Variants in CFAP44 observed in about 807,000 individuals in gnomAD.
The protein encoded by CFAP44 is cilia- and flagella-associated protein 44.
A neutral mutation model predicts 216.2 loss-of-function variants in CFAP44; 134 were observed. The ratio of observed to expected loss-of-function variants is 0.62; its 90% CI spans 0.54 to 0.72. The LOEUF is 0.72. Among genes scored for constraint, CFAP44 ranks in the 30% least tolerant of loss-of-function variants. CFAP44 has a pLI of 0.00. For missense variants in CFAP44, 2,035 were observed against 2,182.1 expected, an observed-to-expected ratio of 0.93 and a Z score of 1.34; for synonymous variants, 700 against 727.6, an observed-to-expected ratio of 0.96 and a Z score of 0.61.
At chr3:113,438,716 T>C (rs1263766820) in intron 1 of CFAP44, among the ~76,000 whole-genome samples, 2 of 152,222 alleles carry the variant, frequency 1.3e-5, no homozygotes, top group African/African-American at 4.8e-5. Context: ...TCCCTGCAAC[T>C]TGGATCCATT....
At position 113,326,586 on chromosome 3, in the gene CFAP44, T is replaced by C. The variant is rs1305474845; in HGVS notation, c.4375A>G (p.Lys1459Glu). The C allele has an allele frequency of 2.6e-6, 4 of 1,529,106 alleles. No individual in the cohort carries two copies. The highest frequency in any genetic ancestry group is 3.5e-6 in the Non-Finnish European group (4 of 1,144,712). The allele number at this position is 1,529,106 out of a possible 1,614,324, so 94.7% of individuals were successfully genotyped here. ...EMEEKKNEIT[K>E]LQEQEKALYA... is the part of the protein sequence containing the mutation. Reference sequence around the variant, plus strand: ...AGTGCCTTTTCTTGCTCCTGGAGTTTGGTGATTTCATTCTTTTTCTCTTCC... The same window carrying C: ...AGTGCCTTTTCTTGCTCCTGGAGTTCGGTGATTTCATTCTTTTTCTCTTCC... Residue 1459 changes from lysine (K) to glutamate (E), a missense_variant, in exon 28 of 35, where the codon AAA becomes GAA. By Grantham distance (56) the Lys-to-Glu change is moderately conservative (BLOSUM62 1). This residue lies in a region of CFAP44 where 1,883 missense variants were observed against 2,023.7 expected (regional missense o/e 0.93). Coordinates refer to ENST00000393845, the MANE Select transcript of CFAP44 (RefSeq NM_001164496.2).
In CFAP44 at chr3:113,410,761, CCAG is replaced by C. The variant is rs532025124; in HGVS notation, c.674-1442_674-1440del. Among the ~76,000 whole-genome samples the C allele has an allele frequency of 1.9e-3, 290 of 152,314 alleles. 2 individuals carry two copies. Among genetic ancestry groups the C allele is most frequent in the African/African-American group, 5.7e-3 (237 of 41,572 alleles). On this transcript the variant is annotated intron_variant, in intron 6 of 34. Coordinates refer to ENST00000393845, the MANE Select transcript of CFAP44 (RefSeq NM_001164496.2). ...ATGGTTGAACTAATTTACACTCCCA[CCAG>C]TAGTGTAAAAGCATTCCTATTTCTC...
intron 14 of CFAP44, 64 bp from the exon 15 acceptor site, chr3:113,395,924 A>G: frequency 7.5e-6 from 9 of 1,198,624 alleles, no homozygotes; most frequent in Non-Finnish European, 2.4e-6. Context: ...ATAGATCACA[A>G]AAAAGCATGT....
chr3:113,396,859 T>C, intron 13 of CFAP44, 132 bp from the exon 14 acceptor site: 2 of 846,246 alleles, frequency 2.4e-6, no homozygotes, highest in East Asian at 5.3e-5. Flanking sequence ...TATCACTTTC[T>C]GGTAACCTCT....
intron 22 of CFAP44, among the ~76,000 whole-genome samples, chr3:113,353,703 G>C (rs749718619): frequency 2.4e-4 from 37 of 152,106 alleles, no homozygotes; most frequent in Non-Finnish European, 4.6e-4. Context: ...ATAACTTTCA[G>C]AGTGAAGTAC....
intron 27 of CFAP44, 149 bp from the exon 28 acceptor site, chr3:113,326,789 C>T (rs1023112481): frequency 6.9e-6 from 3 of 436,634 alleles, no homozygotes; most frequent in Non-Finnish European, 1.2e-5. Flanking sequence ...TTTGCAGAGC[C>T]ATCCATTTAT....
At position 113,302,494 on chromosome 3, in the gene CFAP44, T is replaced by C. The variant is rs186687861; in HGVS notation, c.5077+1422A>G. 7.8e-5 allele frequency among the ~76,000 whole-genome samples: 10 copies of C among 127,682 alleles called. No homozygotes were observed. The East Asian group carries it at 2.3e-3, about 30-fold the overall frequency. 83.8% of individuals were successfully genotyped at this position (127,682 alleles called of 152,430 possible). A position where few individuals can be genotyped will look rare whatever the true frequency, so the allele number is the denominator to read the frequency against. On this transcript the variant is annotated intron_variant, in intron 32 of 34. Transcript: ENST00000393845. ...AAAAAAAAAAAAGATAGCCAGGCAC[T>C]GTGGCTCTCGCCTGTAATCCCAGCA...
At chr3:113,352,118 A>G (rs969576365) in intron 22 of CFAP44, among the ~76,000 whole-genome samples, 9 of 152,090 alleles carry the variant, frequency 5.9e-5, no homozygotes, top group African/African-American at 2.2e-4. Flanking sequence ...GGACTTGGAG[A>G]ACTTTTCTGT....
chr3:113,407,092 T>G, intron 7 of CFAP44, 51 bp from the exon 8 acceptor site: 1 of 1,366,968 alleles, frequency 7.3e-7, no homozygotes, highest in Non-Finnish European at 1.0e-6. Context: ...TTATTGATTT[T>G]TATTTTAATA....
At chr3:113,363,397 T>C (rs985685883) in intron 20 of CFAP44, 80 bp downstream of exon 20, 29 of 1,572,362 alleles carry the variant, frequency 1.8e-5, no homozygotes, top group Non-Finnish European at 2.5e-5. Context: ...GAAAATTCAT[T>C]AAGCTTGGTC....
chr3:113,430,916 C>T (rs1935089921), intron 2 of CFAP44, among the ~76,000 whole-genome samples: 1 of 152,158 alleles, frequency 6.6e-6, no homozygotes, highest in African/African-American at 2.4e-5. Flanking sequence ...AACTAACAGT[C>T]CTTCACCATC....
chr3:113,392,635 G>A (rs1263337461), intron 15 of CFAP44, among the ~76,000 whole-genome samples: 1 of 152,026 alleles, frequency 6.6e-6, no homozygotes, highest in Non-Finnish European at 1.5e-5. Context: ...TGATTATTAT[G>A]CATTATATGC....
chr3:113,343,637 G>A (rs150529149), intron 23 of CFAP44, among the ~76,000 whole-genome samples: 1 of 152,148 alleles, frequency 6.6e-6, no homozygotes, highest in South Asian at 2.1e-4. Flanking sequence ...ACTCTGGCAG[G>A]AGCCTGGGTG....
intron 24 of CFAP44, among the ~76,000 whole-genome samples, chr3:113,338,691 G>T (rs1341606597): frequency 6.6e-6 from 1 of 152,098 alleles, no homozygotes; most frequent in Non-Finnish European, 1.5e-5. Flanking sequence ...AGTCTCACAG[G>T]GTCATCTGAA....
At chr3:113,349,410 T>G (rs917433877) in intron 22 of CFAP44, among the ~76,000 whole-genome samples, 1 of 152,078 alleles carries the variant, frequency 6.6e-6, no homozygotes, top group Non-Finnish European at 1.5e-5. Flanking sequence ...AAGAGGAACA[T>G]GCCGAAAAGG....
rs115299299 is a variant in CFAP44 at position 113,440,752 on chromosome 3, G to A, written c.-6+701C>T. 8.1e-3 allele frequency among the ~76,000 whole-genome samples: 1,224 copies of A among 152,022 alleles called. 19 individuals carry two copies. Among genetic ancestry groups the A allele is most frequent in the African/African-American group, 0.028 (1,154 of 41,446 alleles). On this transcript the variant is annotated intron_variant, in intron 1 of 34. Transcript: ENST00000393845. ...TATCAAATAAGAGCTCAGATTCCTCGGTCTGGTGTAAAGGTCCCTTGTCAG... is the reference window on the plus strand; with the variant it reads ...TATCAAATAAGAGCTCAGATTCCTCAGTCTGGTGTAAAGGTCCCTTGTCAG...
intron 15 of CFAP44, among the ~76,000 whole-genome samples, chr3:113,390,298 C>G (rs774278183): frequency 6.6e-6 from 1 of 151,980 alleles, no homozygotes; most frequent in African/African-American, 2.4e-5. Context: ...ATTCAACATC[C>G]CATCATGACA....
intron 22 of CFAP44, among the ~76,000 whole-genome samples, chr3:113,354,251 A>G (rs1029310194): frequency 1.7e-4 from 26 of 152,324 alleles, no homozygotes; most frequent in African/African-American, 6.0e-4. Context: ...CTTTTGCTCC[A>G]AGAACTATCA....
chr3:113,402,455 C>T (rs755596121), intron 9 of CFAP44, among the ~76,000 whole-genome samples: 10 of 152,138 alleles, frequency 6.6e-5, no homozygotes, highest in Non-Finnish European at 1.5e-4. Context: ...CAGGGAGGCT[C>T]AGCAGGACCT....
Sources: allele counts gnomAD v4.1 joint callset (sites outside exome capture counted in the v4.1 genomes callset), GRCh38; gene constraint gnomAD v4.1.1; regional missense constraint gnomAD v4.1.1; transcripts MANE v1.5; gene names NCBI Gene and HGNC (gene_info 2026-07-23, HGNC 2026-07-21).